Variants in XPO4 observed in about 807,000 individuals in gnomAD.
The protein encoded by XPO4 is exportin 4, also known as exportin-4.
A neutral mutation model predicts 143.0 loss-of-function variants in XPO4; 39 were observed. The ratio of observed to expected loss-of-function variants is 0.27; its 90% CI spans 0.21 to 0.36. The LOEUF is 0.36. XPO4 is among the 10% of genes least tolerant of loss of function. XPO4 has a pLI of 1.00. For synonymous variants in XPO4, 439 were observed against 474.0 expected, an observed-to-expected ratio of 0.93 and a Z score of 0.96; for missense variants, 907 against 1,348.0, an observed-to-expected ratio of 0.67 and a Z score of 5.12.
At position 20,796,820 on chromosome 13, in the gene XPO4, G is replaced by C. The variant is rs774908441; in HGVS notation, c.2560C>G (p.Leu854Val). The stretch of plus-strand genomic sequence containing the variant: ...ACTTCAACAAAAACTTCTATAATGA[G>C]ATTGACAGTCTCTGGGGTATTCTTG... ...VYKNTPETVN[L>V]IIEVFVEVAH... is the part of the protein sequence containing the mutation. The change falls in exon 17 of 23, where the codon CTC becomes GTC. Residue 854 changes from leucine to valine, a missense_variant. Coordinates refer to ENST00000255305, the MANE Select transcript of XPO4 (RefSeq NM_022459.5). 1 of 1,613,998 alleles carries C rather than the reference G, an allele frequency of 6.2e-7. No homozygotes were observed. The highest frequency in any genetic ancestry group is 2.2e-5 in the East Asian group (1 of 44,878).
At chr13:20,900,714 C>T (rs1838380400) in intron 1 of XPO4, among the ~76,000 whole-genome samples, 1 of 151,464 alleles carries the variant, frequency 6.6e-6, no homozygotes, top group Non-Finnish European at 1.5e-5. Flanking sequence ...CTGGTTCAAG[C>T]GATTCTCCTG....
In XPO4 at chr13:20,869,656, T is replaced by TA. The variant is rs1324768413; in HGVS notation, c.70-956dup. ...TAGTCACTAATTTCAGTCAAAATAATAAAAAAAAAAGTTATTCACCCAGGA... is the reference window on the plus strand; with the variant it reads ...TAGTCACTAATTTCAGTCAAAATAATAAAAAAAAAAAGTTATTCACCCAGGA... On this transcript the variant is annotated intron_variant, in intron 1 of 22. Coordinates refer to ENST00000255305, the MANE Select transcript of XPO4 (RefSeq NM_022459.5). 3.1e-3 allele frequency: 2,182 copies of TA among 705,226 alleles called. 1 individual carries two copies. The highest frequency in any genetic ancestry group is 3.3e-3 in the Non-Finnish European group (1,891 of 577,162). The allele number at this position is 705,226 out of a possible 1,614,324, so 43.7% of individuals were successfully genotyped here.
chr13:20,854,454 A>G (rs2060121856), intron 4 of XPO4, among the ~76,000 whole-genome samples: 1 of 152,234 alleles, frequency 6.6e-6, no homozygotes, highest in Admixed American at 6.5e-5. Flanking sequence ...AATCACATCC[A>G]TTAACTGAGG....
At chr13:20,843,680 A>G in intron 5 of XPO4, 90 bp downstream of exon 5, 2 of 936,098 alleles carry the variant, frequency 2.1e-6, no homozygotes, top group Middle Eastern at 3.1e-4. Flanking sequence ...ATTCAACTAC[A>G]TAAAATAAAT....
chr13:20,876,093 C>CAAAAA (rs11301411), intron 1 of XPO4, among the ~76,000 whole-genome samples: 68 of 90,666 alleles, frequency 7.5e-4, no homozygotes, highest in African/African-American at 1.5e-3. Flanking sequence ...CTACTAAATA[C>CAAAAA]AAAAAAAAAA....
Position 20,808,459 on chromosome 13 carries a change from A to G in XPO4, c.1616T>C (p.Ile539Thr). Residue 539 changes from isoleucine (I) to threonine (T), a missense_variant, in exon 12 of 23, where the codon ATT becomes ACT. Ile to Thr is a moderately conservative substitution (Grantham distance 89). Coordinates refer to ENST00000255305, the MANE Select transcript of XPO4 (RefSeq NM_022459.5). ...ACCTGTAACTAAAATAAGCCAGTGA[A>G]TATCTTCATAGAGATCATCAAGCAT... is the stretch of plus-strand genomic sequence containing the variant. ...NKMLDDLYED[I>T]HWLILVTGYL... is the part of the protein sequence containing the mutation. 1.3e-6 allele frequency: 2 copies of G among 1,533,428 alleles called. No individual in the cohort carries two copies. Among genetic ancestry groups the G allele is most frequent in the Middle Eastern group, 1.7e-4 (1 of 5,758 alleles). The allele number at this position is 1,533,428 out of a possible 1,614,324, so 95.0% of individuals were successfully genotyped here.
intron 9 of XPO4, among the ~76,000 whole-genome samples, chr13:20,815,754 T>A (rs1314508074): frequency 1.3e-5 from 2 of 152,214 alleles, no homozygotes; most frequent in Non-Finnish European, 2.9e-5. Flanking sequence ...AAATCTTATG[T>A]CTACAGAATA....
intron 1 of XPO4, among the ~76,000 whole-genome samples, chr13:20,896,055 T>C (rs763213153): frequency 6.6e-6 from 1 of 152,234 alleles, no homozygotes; most frequent in Non-Finnish European, 1.5e-5. Context: ...CGAAAACTTG[T>C]AGCATACTTC....
chr13:20,837,214 C>T (rs924696091), intron 6 of XPO4, among the ~76,000 whole-genome samples: 1 of 152,022 alleles, frequency 6.6e-6, no homozygotes, highest in Admixed American at 6.6e-5. Context: ...GGGGCTGTCC[C>T]GTGCTTTGTA....
intron 19 of XPO4, 145 bp from the exon 20 acceptor site, chr13:20,788,761 A>G: frequency 2.5e-6 from 2 of 787,616 alleles, no homozygotes; most frequent in African/African-American, 3.6e-5. Context: ...CATGAAGACC[A>G]AATTAAATGT....
rs557367540 is a variant in XPO4, at chr13:20,883,963, TC to T, written c.70-15263del. On this transcript the variant is annotated intron_variant, in intron 1 of 22. Coordinates refer to ENST00000255305, the MANE Select transcript of XPO4 (RefSeq NM_022459.5). Reference sequence around the variant, plus strand: ...TGTATTTTAGTAGAGATGGGGTTTCTCCATGTTGGCCAGGCTGGTCTTGAAC... The same window carrying T: ...TGTATTTTAGTAGAGATGGGGTTTCTCATGTTGGCCAGGCTGGTCTTGAAC... Among the ~76,000 whole-genome samples, 140 of 152,246 alleles carry T rather than the reference TC, an allele frequency of 9.2e-4. 1 individual carries two copies. The highest frequency in any genetic ancestry group is 7.8e-3 in the East Asian group (40 of 5,138).
chr13:20,852,778 G>C, intron 4 of XPO4: 1 of 984,878 alleles, frequency 1.0e-6, no homozygotes, highest in Non-Finnish European at 1.2e-6. Context: ...AAAATTGCTT[G>C]ACTGAGAGCC....
At chr13:20,834,442 C>T (rs561707054) in intron 6 of XPO4, among the ~76,000 whole-genome samples, 17 of 151,348 alleles carry the variant, frequency 1.1e-4, no homozygotes, top group Non-Finnish European at 2.2e-4. Flanking sequence ...CATCATGATG[C>T]GTGCCTATAG....
intron 3 of XPO4, chr13:20,857,009 AT>A: frequency 2.3e-6 from 1 of 437,484 alleles, no homozygotes. Flanking sequence ...CATTTATTAG[AT>A]ATTTATACAG....
chr13:20,785,443 C>T (rs35721730), intron 22 of XPO4, among the ~76,000 whole-genome samples: 8,781 of 151,980 alleles, frequency 0.058, 642 homozygotes, highest in African/African-American at 0.17. Context: ...GAGGCCGAGG[C>T]GAGTGGATTG....
intron 18 of XPO4, among the ~76,000 whole-genome samples, chr13:20,793,294 A>C (rs985404057): frequency 6.6e-6 from 1 of 152,026 alleles, no homozygotes; most frequent in African/African-American, 2.4e-5. Context: ...TTTCAACCCT[A>C]CATACTCGTT....
At chr13:20,855,786 T>C (rs1263140971) in intron 3 of XPO4, 21 bp from the exon 4 acceptor site, 1 of 1,556,510 alleles carries the variant, frequency 6.4e-7, no homozygotes. Flanking sequence ...TAAAAATCAT[T>C]GTGAAAAATT....
intron 7 of XPO4, among the ~76,000 whole-genome samples, chr13:20,826,206 C>T (rs2059782790): frequency 6.6e-6 from 1 of 152,204 alleles, no homozygotes; most frequent in Non-Finnish European, 1.5e-5. Flanking sequence ...GGGATACACA[C>T]TGGCCAATGT....
intron 1 of XPO4, among the ~76,000 whole-genome samples, chr13:20,897,252 CA>C (rs1279769959): frequency 2.0e-5 from 3 of 152,084 alleles, no homozygotes; most frequent in Non-Finnish European, 4.4e-5. Context: ...AAAATAAAGG[CA>C]GTGTACCTTA....
Sources: allele counts gnomAD v4.1 joint callset (sites outside exome capture counted in the v4.1 genomes callset), GRCh38; gene constraint gnomAD v4.1.1; transcripts MANE v1.5; gene names NCBI Gene and HGNC (gene_info 2026-07-23, HGNC 2026-07-21).